SEMA5B: variants seen among roughly 807,000 people sequenced by gnomAD.
SEMA5B encodes semaphorin 5B, also known as semaphorin-5B.
Under a neutral mutation model 135.0 loss-of-function variants are expected in SEMA5B, and 66 were observed. The ratio of observed to expected loss-of-function variants is 0.49; its 90% CI spans 0.40 to 0.60. The LOEUF is 0.60. SEMA5B is among the 20% of genes least tolerant of loss of function. The pLI is 0.00. For missense variants in SEMA5B, 1,501 were observed against 1,566.3 expected, an observed-to-expected ratio of 0.96 and a Z score of 0.70; for synonymous variants, 690 against 639.5, an observed-to-expected ratio of 1.08 and a Z score of -1.19.
chr3:122,975,924 C>G, intron 1 of SEMA5B: 2 of 1,514,764 alleles, frequency 1.3e-6, no homozygotes, highest in South Asian at 2.5e-5. Flanking sequence ...TGCCCCCTCT[C>G]TGGCCATTCC....
chr3:122,987,129 G>T (rs1454882141), intron 1 of SEMA5B, among the ~76,000 whole-genome samples: 1 of 152,186 alleles, frequency 6.6e-6, no homozygotes, highest in Admixed American at 6.5e-5. Flanking sequence ...AGCCAGATGG[G>T]CTGGGGTTTG....
At chr3:122,912,622 A>C (rs933689899) in intron 18 of SEMA5B, among the ~76,000 whole-genome samples, 1 of 151,918 alleles carries the variant, frequency 6.6e-6, no homozygotes, top group African/African-American at 2.4e-5. Flanking sequence ...AGGTGAAAAA[A>C]AAAAAGGGAC....
intron 2 of SEMA5B, among the ~76,000 whole-genome samples, chr3:122,957,663 G>A (rs992538355): frequency 6.6e-6 from 1 of 152,236 alleles, no homozygotes; most frequent in East Asian, 1.9e-4. Context: ...TTCCCTGCAA[G>A]ATCTCACAGC....
intron 1 of SEMA5B, among the ~76,000 whole-genome samples, chr3:122,980,298 T>C (rs897882450): frequency 6.6e-6 from 1 of 151,936 alleles, no homozygotes; most frequent in South Asian, 2.1e-4. Context: ...CTGTCTCTAC[T>C]AAAAATACAA....
At chr3:122,975,120 T>G (rs528812249) in intron 1 of SEMA5B, 14 of 152,368 alleles carry the variant, frequency 9.2e-5, no homozygotes, top group African/African-American at 2.9e-4. Context: ...CTTAGTCAAG[T>G]GCTCACAGGT....
At chr3:123,019,426 A>C (rs1942629368) in intron 1 of SEMA5B, among the ~76,000 whole-genome samples, 1 of 152,102 alleles carries the variant, frequency 6.6e-6, no homozygotes, top group East Asian at 1.9e-4. Context: ...CCGTCTCTAC[A>C]TGAAACACAA....
At chr3:123,007,199 C>G (rs977292352) in intron 1 of SEMA5B, among the ~76,000 whole-genome samples, 1 of 152,118 alleles carries the variant, frequency 6.6e-6, no homozygotes, top group Non-Finnish European at 1.5e-5. Context: ...CTGCCCCACT[C>G]AGTGTTAGGG....
chr3:122,960,426 A>C (rs1940524534), intron 2 of SEMA5B, among the ~76,000 whole-genome samples: 1 of 152,234 alleles, frequency 6.6e-6, no homozygotes, highest in Non-Finnish European at 1.5e-5. Context: ...GTTTTTCAAA[A>C]AATTAAATAT....
Position 122,946,857 on chromosome 3 carries a change from G to C in SEMA5B, c.328+1649C>G, listed in dbSNP as rs149390995. On this transcript the variant is annotated intron_variant, in intron 3 of 22. Coordinates refer to ENST00000357599, the MANE Select transcript of SEMA5B (RefSeq NM_001031702.4). ...AGGGGCATTCCTTCATTCTGTAGGA[G>C]GATGGGGCGAGAAGTCAGATTCATT... is the stretch of plus-strand genomic sequence containing the variant. Among the ~76,000 whole-genome samples, 85 of 152,268 alleles carry C rather than the reference G, an allele frequency of 5.6e-4. 2 individuals carry two copies. In the East Asian group the frequency reaches 0.016, roughly 29 times the overall value.
At chr3:122,969,852 G>C (rs1383997679) in intron 1 of SEMA5B, among the ~76,000 whole-genome samples, 1 of 152,224 alleles carries the variant, frequency 6.6e-6, no homozygotes, top group Admixed American at 6.5e-5. Flanking sequence ...GCTGTGGAAG[G>C]TATTTTTGGA....
chr3:123,016,287 T>C (rs1300627251), intron 1 of SEMA5B, among the ~76,000 whole-genome samples: 2 of 152,202 alleles, frequency 1.3e-5, no homozygotes, highest in Admixed American at 6.5e-5. Context: ...AACTGTGATG[T>C]CGGTAAGAAG....
intron 5 of SEMA5B, among the ~76,000 whole-genome samples, chr3:122,931,430 A>G (rs1403963741): frequency 6.6e-6 from 1 of 152,224 alleles, no homozygotes; most frequent in East Asian, 1.9e-4. Context: ...CACTGAATAT[A>G]TGGCACCATC....
chr3:122,922,133 G>C lies in SEMA5B; in HGVS notation c.1481-11C>G, dbSNP rs1369013549. On this transcript the variant is annotated splice_polypyrimidine_tract_variant and intron_variant, in intron 11 of 22. Transcript: ENST00000357599. ...GGATGGTGCCCGACTCTGGAGGAGAGGGGGAGCCAGACCAAGGTGGCCTTG... is the reference window on the plus strand; with the variant it reads ...GGATGGTGCCCGACTCTGGAGGAGACGGGGAGCCAGACCAAGGTGGCCTTG... 2.6e-6 allele frequency: 4 copies of C among 1,525,492 alleles called. No individual in the cohort carries two copies. The highest frequency in any genetic ancestry group is 2.4e-5 in the East Asian group (1 of 42,532). The allele number at this position is 1,525,492 out of a possible 1,614,324, so 94.5% of individuals were successfully genotyped here.
At chr3:122,915,715 A>G (rs919098937) in intron 13 of SEMA5B, 58 bp downstream of exon 13, 1 of 1,602,746 alleles carries the variant, frequency 6.2e-7, no homozygotes, top group African/African-American at 1.3e-5. Context: ...ATTGGTGGGG[A>G]GTCATAGCCT....
At chr3:122,911,235 G>A in intron 21 of SEMA5B, 190 bp from the exon 22 acceptor site, 1 of 1,107,850 alleles carries the variant, frequency 9.0e-7, no homozygotes. Context: ...AAGGTACCCT[G>A]TGGCTCAAGT....
intron 5 of SEMA5B, among the ~76,000 whole-genome samples, chr3:122,937,980 T>C (rs754016255): frequency 6.6e-6 from 1 of 152,130 alleles, no homozygotes; most frequent in Non-Finnish European, 1.5e-5. Flanking sequence ...TTGGCTTACT[T>C]TCCGGCCAAT....
chr3:123,017,047 A>T (rs1432447851), intron 1 of SEMA5B, among the ~76,000 whole-genome samples: 3 of 151,210 alleles, frequency 2.0e-5, no homozygotes, highest in African/African-American at 7.3e-5. Flanking sequence ...ACCCACCACC[A>T]CGCCCGGCTA....
intron 1 of SEMA5B, among the ~76,000 whole-genome samples, chr3:123,012,023 G>A (rs1379658912): frequency 6.6e-6 from 1 of 152,214 alleles, no homozygotes; most frequent in Non-Finnish European, 1.5e-5. Context: ...AGGAGCCACA[G>A]GAGAGGCCCA....
chr3:123,005,113 A>G (rs1560436009), intron 1 of SEMA5B, among the ~76,000 whole-genome samples: 1 of 151,948 alleles, frequency 6.6e-6, no homozygotes, highest in Non-Finnish European at 1.5e-5. Flanking sequence ...GGATGAGCAC[A>G]ATTTCACTCA....
Sources: gnomAD v4.1 joint callset for allele counts (sites outside exome capture counted in the v4.1 genomes callset) on GRCh38, gnomAD v4.1.1 for gene constraint, MANE v1.5 for transcripts, NCBI Gene and HGNC (gene_info 2026-07-23, HGNC 2026-07-21) for gene names.